BAZ2B: variants seen among roughly 807,000 people sequenced by gnomAD.
The protein encoded by BAZ2B is bromodomain adjacent to zinc finger domain protein 2B.
In BAZ2B, 91 loss-of-function variants were observed where a neutral mutation model predicts 246.0. That is an observed-to-expected ratio of 0.37 (90% CI 0.31 to 0.44). BAZ2B has a LOEUF of 0.44. BAZ2B is among the 20% of genes least tolerant of loss of function. BAZ2B has a pLI of 1.00. For synonymous variants in BAZ2B, 855 were observed against 860.0 expected (o/e 0.99, Z 0.10); for missense variants, 2,332 against 2,533.7 (o/e 0.92, Z 1.71).
At chr2:159,685,943 C>A in the BAZ2B span, among the ~76,000 whole-genome samples, 1 of 152,062 alleles carries the variant, frequency 6.6e-6, no homozygotes, top group Non-Finnish European at 1.5e-5. Flanking sequence ...AAGAAAAGAA[C>A]AAGAAAAATT....
At chr2:159,438,248 G>T in intron 8 of BAZ2B, 55 bp downstream of exon 8, 1 of 1,453,016 alleles carries the variant, frequency 6.9e-7, no homozygotes, top group Admixed American at 2.1e-5. Flanking sequence ...AGACAATATA[G>T]AAGCTCTATC....
rs574700206 is a variant in BAZ2B at position 159,551,044 on chromosome 2, C to A, written c.-3+4779G>T. On this transcript the variant is annotated intron_variant, in intron 2 of 36. Transcript: ENST00000392783. ...GTAGAGACAAAGTCTCACTATATTG[C>A]CCAGGTTGGTCTTTAACTCCAGGGC... Among the ~76,000 whole-genome samples the A allele has an allele frequency of 2.6e-5, 4 of 152,184 alleles. No individual in the cohort carries two copies. In the South Asian group the frequency reaches 6.2e-4, roughly 24 times the overall value.
At chr2:159,487,183 C>T (rs2079934701) in intron 2 of BAZ2B, among the ~76,000 whole-genome samples, 1 of 152,068 alleles carries the variant, frequency 6.6e-6, no homozygotes, top group Admixed American at 6.6e-5. Flanking sequence ...CTAGAAATTA[C>T]CTTTCAAAAT....
At chr2:159,316,551 G>A (rs866875183), downstream of BAZ2B, among the ~76,000 whole-genome samples, 72 of 151,920 alleles carry the variant, frequency 4.7e-4, 1 homozygote, top group African/African-American at 1.3e-3. Context: ...TTAGCCGGGC[G>A]TGGTGGAGGA....
chr2:159,420,443 T>C lies in BAZ2B; in HGVS notation c.2466+7498A>G, dbSNP rs573219202. ...AAAAAAAGCAACATTTTCAGAGTCA[T>C]TTTAAACTTGCTTCTTCTTTGCATC... On this transcript the variant is annotated intron_variant, in intron 13 of 36. Transcript: ENST00000392783. 8.5e-5 allele frequency among the ~76,000 whole-genome samples: 13 copies of C among 152,362 alleles called. No individual in the cohort carries two copies. In the East Asian group the frequency reaches 2.5e-3, roughly 29 times the overall value.
At position 159,373,150 on chromosome 2, in the gene BAZ2B, G is replaced by A. The variant is rs1316115048; in HGVS notation, c.4108C>T (p.His1370Tyr). The change falls in exon 27 of 37, where the codon CAC becomes TAC. Residue 1370 changes from histidine (H) to tyrosine (Y), a missense_variant. By Grantham distance (83) the His-to-Tyr change is moderately conservative (BLOSUM62 2). Transcript: ENST00000392783. Reference sequence around the variant, plus strand: ...CCAAACATCACTGAACGCAATGAGTGAGACGCATCAAAGAGCTTCCTTCTG... The same window carrying A: ...CCAAACATCACTGAACGCAATGAGTAAGACGCATCAAAGAGCTTCCTTCTG... The part of the protein sequence containing the change: ...QYRRKLFDAS[H>Y]SLRSVMFGQD... 1 of 1,613,968 alleles carries A rather than the reference G, an allele frequency of 6.2e-7. No individual in the cohort carries two copies. Among genetic ancestry groups the A allele is most frequent in the Non-Finnish European group, 8.5e-7 (1 of 1,179,898 alleles).
the BAZ2B span, among the ~76,000 whole-genome samples, chr2:159,703,092 T>A: frequency 3.4e-5 from 5 of 149,248 alleles, no homozygotes; most frequent in East Asian, 8.0e-4. Flanking sequence ...ACAAAAACTT[T>A]CTTTCTTTTT....
chr2:159,694,803 G>A, the BAZ2B span: 1 of 152,138 alleles, frequency 6.6e-6, no homozygotes, highest in African/African-American at 2.4e-5. Context: ...AGGGTTTTGT[G>A]TGACATGTGT....
At chr2:159,571,758 C>T (rs954628548) in intron 1 of BAZ2B, among the ~76,000 whole-genome samples, 10 of 152,132 alleles carry the variant, frequency 6.6e-5, no homozygotes, top group South Asian at 2.1e-4. Context: ...CATCTTGTGA[C>T]GGCCTCCATG....
At chr2:159,542,423 T>C (rs1359871299) in intron 2 of BAZ2B, among the ~76,000 whole-genome samples, 27 of 152,130 alleles carry the variant, frequency 1.8e-4, no homozygotes, top group Admixed American at 1.8e-3. Context: ...GAGAAAATCT[T>C]GAAGGCAGCA....
intron 2 of BAZ2B, among the ~76,000 whole-genome samples, chr2:159,494,263 A>T (rs1228704434): frequency 6.6e-6 from 1 of 152,184 alleles, no homozygotes; most frequent in Non-Finnish European, 1.5e-5. Context: ...CACATAGTAG[A>T]ATCATAAAAA....
intron 3 of BAZ2B, among the ~76,000 whole-genome samples, chr2:159,471,061 T>A (rs1006151319): frequency 6.6e-6 from 1 of 151,690 alleles, no homozygotes; most frequent in Non-Finnish European, 1.5e-5. Context: ...TATAAAAAAA[T>A]TTAGAGAAAA....
chr2:159,385,269 G>C lies in BAZ2B; in HGVS notation c.3572C>G (p.Thr1191Ser). The C allele has an allele frequency of 6.2e-7, 1 of 1,613,500 alleles. No individual in the cohort carries two copies. The highest frequency in any genetic ancestry group is 1.7e-4 in the Middle Eastern group (1 of 6,058). The part of the protein sequence containing the change: ...QIFMEAHCGQ[T>S]ELTESLKTKA... ...GGTCTTCAGACTTTCAGTAAGCTCA[G>C]TTTGTCCACAGTGGGCTTCCATAAA... is the stretch of plus-strand genomic sequence containing the variant. The change falls in exon 23 of 37, where the codon ACT becomes AGT. Residue 1191 changes from threonine (T) to serine (S), a missense_variant. Transcript: ENST00000392783.
chr2:159,469,259 C>T (rs61036734), intron 3 of BAZ2B, among the ~76,000 whole-genome samples: 40,398 of 151,648 alleles, frequency 0.27, 6,768 homozygotes, highest in Non-Finnish European at 0.38. Context: ...AAGAAAAAAT[C>T]TCTCTACCAA....
At chr2:159,377,355 A>T (rs974864314) in intron 25 of BAZ2B, among the ~76,000 whole-genome samples, 10 of 152,230 alleles carry the variant, frequency 6.6e-5, no homozygotes, top group Admixed American at 6.5e-4. Context: ...TTTATTATAA[A>T]GAATAATTCA....
intron 22 of BAZ2B, among the ~76,000 whole-genome samples, 195 bp from the exon 23 acceptor site, chr2:159,385,564 C>T (rs1308229639): frequency 6.6e-6 from 1 of 151,614 alleles, no homozygotes; most frequent in Non-Finnish European, 1.5e-5. Flanking sequence ...TCTTTCTTTC[C>T]CCGCTTCAAA....
intron 10 of BAZ2B, among the ~76,000 whole-genome samples, chr2:159,429,506 G>T (rs1352966163): frequency 6.6e-6 from 1 of 151,940 alleles, no homozygotes; most frequent in South Asian, 2.1e-4. Flanking sequence ...ACAATCCAAG[G>T]TAAAAATATA....
intron 4 of BAZ2B, among the ~76,000 whole-genome samples, chr2:159,452,023 C>T (rs978755559): frequency 1.3e-5 from 2 of 152,096 alleles, no homozygotes; most frequent in African/African-American, 4.8e-5. Flanking sequence ...GTGGAATGCT[C>T]ATCTTGCTAA....
intron 21 of BAZ2B, among the ~76,000 whole-genome samples, chr2:159,387,925 T>C (rs970936626): frequency 2.0e-5 from 3 of 152,064 alleles, no homozygotes; most frequent in African/African-American, 7.2e-5. Context: ...CTCATTTTTA[T>C]TTAGAAGCAT....
Sources: gnomAD v4.1 joint callset for allele counts (sites outside exome capture counted in the v4.1 genomes callset) on GRCh38, gnomAD v4.1.1 for gene constraint, MANE v1.5 for transcripts, NCBI Gene and HGNC (gene_info 2026-07-23, HGNC 2026-07-21) for gene names.